BLTP3B: variants seen among roughly 807,000 people sequenced by gnomAD.
BLTP3B encodes the protein UHRF1 (ICBP90) binding protein 1-like.
the BLTP3B span, among the ~76,000 whole-genome samples, chr12:100,127,385 C>T: frequency 6.6e-6 from 1 of 152,210 alleles, no homozygotes; most frequent in Non-Finnish European, 1.5e-5. Context: ...TAGGCCTATA[C>T]AATTGCTTTA....
At chr12:100,077,123 G>C in the BLTP3B span, among the ~76,000 whole-genome samples, 1 of 152,086 alleles carries the variant, frequency 6.6e-6, no homozygotes, top group Admixed American at 6.6e-5. Context: ...GCCAATGACA[G>C]GCCACTTATA....
At chr12:100,059,738 CTT>C in the BLTP3B span, 1 of 1,243,530 alleles carries the variant, frequency 8.0e-7, no homozygotes, top group Non-Finnish European at 1.1e-6. Flanking sequence ...AGAAGAGAAT[CTT>C]TTTAAAAAAC....
the BLTP3B span, among the ~76,000 whole-genome samples, chr12:100,055,307 A>G: frequency 6.6e-6 from 1 of 152,176 alleles, no homozygotes; most frequent in Non-Finnish European, 1.5e-5. Context: ...AACAGTTCCT[A>G]CCTCAATTTA....
At chr12:100,091,058 ACT>A in the BLTP3B span, among the ~76,000 whole-genome samples, 4 of 146,702 alleles carry the variant, frequency 2.7e-5, no homozygotes, top group Non-Finnish European at 6.0e-5. Context: ...GCAAAGTCTC[ACT>A]CTGTTACCCA....
At chr12:100,072,534 C>T in the BLTP3B span, 7 of 768,896 alleles carry the variant, frequency 9.1e-6, no homozygotes, top group Non-Finnish European at 1.3e-5. Flanking sequence ...CAGTGAGATG[C>T]TAGCTCTCAA....
the BLTP3B span, among the ~76,000 whole-genome samples, chr12:100,130,322 C>G: frequency 1.6e-3 from 251 of 152,302 alleles, 1 homozygote; most frequent in Non-Finnish European, 1.3e-3. Context: ...CACCGTCTCT[C>G]TGTTAAGGTT....
chr12:100,050,270 T>G, the BLTP3B span: 5 of 1,611,228 alleles, frequency 3.1e-6, no homozygotes, highest in Non-Finnish European at 4.2e-6. Context: ...TCCCCTCGGA[T>G]GTCAATTTCC....
At chr12:100,138,944 G>A in the BLTP3B span, among the ~76,000 whole-genome samples, 3 of 152,042 alleles carry the variant, frequency 2.0e-5, no homozygotes, top group African/African-American at 7.2e-5. Context: ...CATTTGTTAC[G>A]ACTTCTCTTT....
chr12:100,123,327 A>G, the BLTP3B span, among the ~76,000 whole-genome samples: 1 of 152,214 alleles, frequency 6.6e-6, no homozygotes, highest in Admixed American at 6.5e-5. Context: ...AACAATTTAA[A>G]AAAATGGTAT....
At chr12:100,055,969 A>C in the BLTP3B span, among the ~76,000 whole-genome samples, 1 of 152,238 alleles carries the variant, frequency 6.6e-6, no homozygotes, top group Non-Finnish European at 1.5e-5. Context: ...GTTTAAATTC[A>C]TTAATATATA....
chr12:100,104,789 C>T, the BLTP3B span, among the ~76,000 whole-genome samples: 2 of 143,284 alleles, frequency 1.4e-5, no homozygotes, highest in Admixed American at 7.6e-5. Flanking sequence ...ACAAAATCAA[C>T]GTACACAAAT....
chr12:100,089,982 G>C, the BLTP3B span, among the ~76,000 whole-genome samples: 1,166 of 152,250 alleles, frequency 7.7e-3, 15 homozygotes, highest in African/African-American at 0.027. Flanking sequence ...CTTCCTCATT[G>C]TTTCTTTGAC....
chr12:100,123,439 C>T, the BLTP3B span, among the ~76,000 whole-genome samples: 2 of 152,092 alleles, frequency 1.3e-5, no homozygotes, highest in Non-Finnish European at 2.9e-5. Flanking sequence ...ATTCTGTGAC[C>T]GTGTGCGTGG....
At chr12:100,039,593 TA>T in the BLTP3B span, 1 of 1,610,658 alleles carries the variant, frequency 6.2e-7, no homozygotes, top group Non-Finnish European at 8.5e-7. Flanking sequence ...GGTTTCCCAT[TA>T]CCTGTTCCCT....
At chr12:100,052,342 C>T in the BLTP3B span, among the ~76,000 whole-genome samples, 1 of 151,784 alleles carries the variant, frequency 6.6e-6, no homozygotes, top group African/African-American at 2.4e-5. Context: ...TGTGTCTGGC[C>T]CCCTCTAAAC....
chr12:100,133,400 G>A, the BLTP3B span, among the ~76,000 whole-genome samples: 3 of 152,148 alleles, frequency 2.0e-5, no homozygotes, highest in South Asian at 2.1e-4. Flanking sequence ...TCAAAGGACC[G>A]CAGAGTCAAA....
At chr12:100,113,603 T>C in the BLTP3B span, among the ~76,000 whole-genome samples, 1 of 152,164 alleles carries the variant, frequency 6.6e-6, no homozygotes, top group Non-Finnish European at 1.5e-5. Context: ...TCAGAACATG[T>C]AAAATGCTAG....
chr12:100,123,521 T>C, the BLTP3B span, among the ~76,000 whole-genome samples: 1 of 152,114 alleles, frequency 6.6e-6, no homozygotes, highest in Non-Finnish European at 1.5e-5. Context: ...ACACTGTCTA[T>C]CTGGAGATGG....
the BLTP3B span, among the ~76,000 whole-genome samples, chr12:100,057,041 G>T: frequency 5.3e-5 from 8 of 152,208 alleles, no homozygotes; most frequent in Admixed American, 1.3e-4. Flanking sequence ...TCAATAAAAT[G>T]GGAAAATCAT....
Sources: gnomAD v4.1 joint callset for allele counts (sites outside exome capture counted in the v4.1 genomes callset) on GRCh38, gnomAD v4.1.1 for gene constraint, MANE v1.5 for transcripts, NCBI Gene and HGNC (gene_info 2026-07-23, HGNC 2026-07-21) for gene names.